The following KCNN2 variants were observed in gnomAD, a reference collection of about 807,000 sequenced individuals.
KCNN2 encodes potassium calcium-activated channel subfamily N member 2.
A neutral mutation model predicts 55.5 loss-of-function variants in KCNN2; 24 were observed. That is an observed-to-expected ratio of 0.43 (90% CI 0.31 to 0.61). KCNN2 has a LOEUF of 0.61. Ranked by LOEUF, KCNN2 falls within the 20% of genes least tolerant of loss-of-function variation. The pLI is 0.08. For missense variants in KCNN2, 754 were observed against 853.6 expected, an observed-to-expected ratio of 0.88 and a Z score of 1.45; for synonymous variants, 431 against 336.1, an observed-to-expected ratio of 1.28 and a Z score of -3.09.
chr5:114,248,258 T>C (rs769839753), intron 2 of KCNN2, among the ~76,000 whole-genome samples: 1 of 152,196 alleles, frequency 6.6e-6, no homozygotes, highest in Admixed American at 6.5e-5. Flanking sequence ...ATCCTCTTAA[T>C]GATATTATGG....
intron 1 of KCNN2, among the ~76,000 whole-genome samples, chr5:114,188,508 A>G (rs1377638458): frequency 1.3e-5 from 2 of 152,218 alleles, no homozygotes; most frequent in Non-Finnish European, 2.9e-5. Flanking sequence ...AATACGTAAG[A>G]TATTTTTTAA....
intron 1 of KCNN2, among the ~76,000 whole-genome samples, chr5:114,207,286 C>T (rs1376519114): frequency 1.3e-5 from 2 of 152,106 alleles, no homozygotes; most frequent in African/African-American, 4.8e-5. Flanking sequence ...AAATAGGTTC[C>T]CAGTGCATTT....
chr5:114,406,860 AAG>A lies in KCNN2; in HGVS notation c.1637+2010_1637+2011del, dbSNP rs369739711. 7.8e-3 allele frequency among the ~76,000 whole-genome samples: 1,189 copies of A among 152,218 alleles called. 18 individuals carry two copies. The highest frequency in any genetic ancestry group is 0.026 in the African/African-American group (1,092 of 41,518). On this transcript the variant is annotated intron_variant, in intron 3 of 7. Transcript: ENST00000673685. ...TAGTTTTGAAGCAAAGGTAGTATATAAGAGAGATATTTTTGAGATCTTGCAGA... is the reference window on the plus strand; with the variant it reads ...TAGTTTTGAAGCAAAGGTAGTATATAAGAGATATTTTTGAGATCTTGCAGA...
chr5:114,254,827 T>A (rs919034413), intron 2 of KCNN2, among the ~76,000 whole-genome samples: 1 of 152,158 alleles, frequency 6.6e-6, no homozygotes, highest in African/African-American at 2.4e-5. Flanking sequence ...TGAAATCTGT[T>A]CATTCACTTA....
At chr5:114,058,229 C>G (rs1750251816) in intron 1 of KCNN2, among the ~76,000 whole-genome samples, 1 of 151,840 alleles carries the variant, frequency 6.6e-6, no homozygotes, top group Admixed American at 6.6e-5. Context: ...AATAAAAACC[C>G]AACTAGGTAG....
In KCNN2 at chr5:114,130,097, C is replaced by G. The variant is rs147296155; in HGVS notation, c.-271+73597C>G. On this transcript the variant is annotated intron_variant, in intron 1 of 10. Coordinates refer to the KCNN2 transcript ENST00000512097. ...TTCCTCCCTAGTATACCAGCTCCTG[C>G]TATCATTTAAGAATGCGAAGCACTT... Among the ~76,000 whole-genome samples the G allele has an allele frequency of 5.7e-3, 863 of 152,318 alleles. 8 individuals are homozygous for G. Among genetic ancestry groups the G allele is most frequent in the African/African-American group, 0.019 (795 of 41,558 alleles).
chr5:114,407,030 CT>C (rs1758957353), intron 3 of KCNN2, among the ~76,000 whole-genome samples: 1 of 151,886 alleles, frequency 6.6e-6, no homozygotes, highest in African/African-American at 2.4e-5. Flanking sequence ...TGCCATGCTC[CT>C]TTTTTATTTA....
chr5:114,374,006 G>T (rs1757859566), intron 2 of KCNN2, among the ~76,000 whole-genome samples: 1 of 151,984 alleles, frequency 6.6e-6, no homozygotes, highest in Non-Finnish European at 1.5e-5. Flanking sequence ...GAGCAGGTTT[G>T]ACTATCTTAG....
At chr5:114,167,607 G>A (rs991339740) in intron 1 of KCNN2, among the ~76,000 whole-genome samples, 1 of 152,032 alleles carries the variant, frequency 6.6e-6, no homozygotes, top group African/African-American at 2.4e-5. Flanking sequence ...CAATAAACTA[G>A]AAAGAGTTAC....
chr5:114,399,077 G>A (rs1176717316), intron 2 of KCNN2, among the ~76,000 whole-genome samples: 2 of 152,136 alleles, frequency 1.3e-5, no homozygotes, highest in East Asian at 1.9e-4. Flanking sequence ...TTCCAGTACT[G>A]TGTTGAATAG....
At chr5:114,198,836 T>G (rs946250905) in intron 1 of KCNN2, among the ~76,000 whole-genome samples, 3 of 152,140 alleles carry the variant, frequency 2.0e-5, no homozygotes, top group Non-Finnish European at 2.9e-5. Flanking sequence ...AAGACTTGTT[T>G]TGTAGCCTAA....
At chr5:114,407,123 A>G (rs1561612082) in intron 3 of KCNN2, among the ~76,000 whole-genome samples, 1 of 151,982 alleles carries the variant, frequency 6.6e-6, no homozygotes, top group East Asian at 1.9e-4. Flanking sequence ...AAATACAAGG[A>G]TGTATTTTAA....
intron 2 of KCNN2, among the ~76,000 whole-genome samples, chr5:114,322,688 C>G (rs1167057279): frequency 1.3e-5 from 2 of 152,096 alleles, no homozygotes; most frequent in African/African-American, 4.8e-5. Flanking sequence ...TTGAAAGCGA[C>G]AGAAACTGAT....
chr5:114,198,026 C>G (rs74326252), intron 1 of KCNN2, among the ~76,000 whole-genome samples: 1 of 151,766 alleles, frequency 6.6e-6, no homozygotes, highest in South Asian at 2.1e-4. Context: ...GAGGCTGTGC[C>G]GAGCTCCTTA....
intron 1 of KCNN2, among the ~76,000 whole-genome samples, chr5:114,157,071 T>C (rs187635917): frequency 3.3e-5 from 5 of 152,070 alleles, no homozygotes; most frequent in African/African-American, 1.2e-4. Context: ...TTGTTACATA[T>C]GTATACATGT....
intron 3 of KCNN2, among the ~76,000 whole-genome samples, chr5:114,459,789 A>G (rs1041514057): frequency 9.9e-5 from 15 of 152,218 alleles, no homozygotes; most frequent in African/African-American, 7.2e-5. Context: ...GCATGTTTCT[A>G]TTTAAAGCTC....
In KCNN2 at chr5:114,362,220, CCAG is replaced by C; in HGVS notation, c.90_92del (p.Gln32del). ...CGCCGCGCTCCTCACACCTGCATTGCCAGCAGCAGCAACAGAGCCAGGACAAGC... is the reference window on the plus strand; with the variant it reads ...CGCCGCGCTCCTCACACCTGCATTGCCAGCAGCAACAGAGCCAGGACAAGC... On this transcript the variant is annotated inframe_deletion, in exon 1 of 8. Coordinates refer to ENST00000673685, the MANE Select transcript of KCNN2 (RefSeq NM_021614.4). 3 of 167,258 alleles carry C rather than the reference CCAG, an allele frequency of 1.8e-5. No homozygotes were observed. Among genetic ancestry groups the C allele is most frequent in the Non-Finnish European group, 3.8e-5 (3 of 78,464 alleles). 10.4% of individuals were successfully genotyped at this position (167,258 alleles called of 1,614,324 possible). A position where few individuals can be genotyped will look rare whatever the true frequency, so the allele number is the denominator to read the frequency against.
chr5:114,161,341 C>T (rs561826286), intron 1 of KCNN2, among the ~76,000 whole-genome samples: 4,578 of 142,114 alleles, frequency 0.032, 277 homozygotes, highest in African/African-American at 0.11. Flanking sequence ...CCACTCTCTC[C>T]TGGCTTGTAG....
At chr5:114,234,366 T>G (rs1754428829) in intron 2 of KCNN2, among the ~76,000 whole-genome samples, 3 of 152,208 alleles carry the variant, frequency 2.0e-5, no homozygotes, top group Admixed American at 1.3e-4. Flanking sequence ...TCTTCTCAGA[T>G]GCAGGTTGGA....
Sources: allele counts gnomAD v4.1 joint callset (sites outside exome capture counted in the v4.1 genomes callset), GRCh38; gene constraint gnomAD v4.1.1; transcripts MANE v1.5; gene names NCBI Gene and HGNC (gene_info 2026-07-23, HGNC 2026-07-21).